Variants in ATAD2B observed in about 807,000 individuals in gnomAD.
ATAD2B encodes ATPase family AAA domain containing 2B.
In ATAD2B, 40 loss-of-function variants were observed where a neutral mutation model predicts 167.6. That is an observed-to-expected ratio of 0.24 (90% confidence interval 0.19 to 0.31). The LOEUF (loss-of-function observed/expected upper bound fraction) is 0.31, where lower values mean the gene tolerates loss of function less well. ATAD2B is among the 10% of genes least tolerant of loss of function. The probability of loss-of-function intolerance (pLI) is 1.00; values close to 1 mark genes in which losing one functional copy is unlikely to be tolerated. For missense variants in ATAD2B, 1,242 were observed against 1,757.2 expected (o/e 0.71, Z 5.24); for synonymous variants, 579 against 596.5 (o/e 0.97, Z 0.43).
chr2:23,691,474 T>G, the ATAD2B span: 3 of 599,708 alleles, frequency 5.0e-6, no homozygotes, highest in Non-Finnish European at 8.9e-6. Flanking sequence ...CAGGGTTTTC[T>G]GTTCTTTTGG....
chr2:23,735,297 A>C, the ATAD2B span, among the ~76,000 whole-genome samples: 1 of 151,742 alleles, frequency 6.6e-6, no homozygotes, highest in Non-Finnish European at 1.5e-5. Context: ...CTTTAAACTC[A>C]ATACTTACTT....
rs1681687166 is a variant in ATAD2B, at chr2:23,791,389, A to G, written c.2641-2742T>C. Among the ~76,000 whole-genome samples the G allele has an allele frequency of 3.3e-5, 5 of 152,164 alleles. No individual in the cohort carries two copies. In the South Asian group the frequency reaches 1.0e-3, roughly 31 times the overall value. ...TTTACAATCCCACCAGCAGTATATA[A>G]GGACTCCAGTTTCTATATCCTTGCC... On this transcript the variant is annotated intron_variant, in intron 19 of 27. Coordinates refer to ENST00000238789, the MANE Select transcript of ATAD2B (RefSeq NM_017552.4).
Position 23,888,340 on chromosome 2 carries a change from G to T in ATAD2B, c.418+10C>A, listed in dbSNP as rs77374907. 3.8e-6 allele frequency: 6 copies of T among 1,565,322 alleles called. No individual in the cohort carries two copies. In the South Asian group the frequency reaches 7.1e-5, roughly 18 times the overall value. ...TTTAAAACTAACCAGTTTTATAATA[G>T]AATACTCACATAAGCCACTATGTCC... On this transcript the variant is annotated intron_variant, in intron 3 of 27. Coordinates refer to ENST00000238789, the MANE Select transcript of ATAD2B (RefSeq NM_017552.4).
At chr2:23,858,489 C>CTTTTTTTTTTTTTT in intron 12 of ATAD2B, among the ~76,000 whole-genome samples, 1 of 134,412 alleles carries the variant, frequency 7.4e-6, no homozygotes, top group Non-Finnish European at 1.6e-5. Context: ...CTGTCTCATT[C>CTTTTTTTTTTTTTT]TTTTTTTTTT....
chr2:23,739,572 G>C, the ATAD2B span, among the ~76,000 whole-genome samples: 1 of 151,910 alleles, frequency 6.6e-6, no homozygotes, highest in African/African-American at 2.4e-5. Flanking sequence ...GAAATTTATA[G>C]CACTAAATGC....
intron 14 of ATAD2B, chr2:23,832,258 G>A (rs201912871): frequency 1.9e-4 from 89 of 467,452 alleles, no homozygotes; most frequent in African/African-American, 3.0e-4. Flanking sequence ...ATCTAGTCTC[G>A]GGACCTTAAA....
downstream of ATAD2B, among the ~76,000 whole-genome samples, chr2:23,744,604 C>CT (rs565014898): frequency 6.6e-6 from 1 of 152,170 alleles, no homozygotes; most frequent in Non-Finnish European, 1.5e-5. Context: ...GGTGCTATCA[C>CT]TGTGGCCCAT....
chr2:23,826,190 G>C (rs764642822), intron 15 of ATAD2B, among the ~76,000 whole-genome samples: 2 of 152,082 alleles, frequency 1.3e-5, no homozygotes, highest in Non-Finnish European at 2.9e-5. Flanking sequence ...GAAAGCTTTA[G>C]AAGTGACTCT....
At chr2:23,869,988 T>A (rs1333592335) in intron 8 of ATAD2B, among the ~76,000 whole-genome samples, 2 of 151,932 alleles carry the variant, frequency 1.3e-5, no homozygotes, top group African/African-American at 4.8e-5. Flanking sequence ...GGTGGGTGGA[T>A]CATGAGGTCA....
chr2:23,699,381 G>A, the ATAD2B span, among the ~76,000 whole-genome samples: 15 of 152,326 alleles, frequency 9.8e-5, no homozygotes, highest in Admixed American at 4.6e-4. Context: ...CATGGTGGGC[G>A]GTAGATGTGT....
chr2:23,878,026 A>AAG (rs1697255376), intron 7 of ATAD2B, among the ~76,000 whole-genome samples: 2 of 129,328 alleles, frequency 1.5e-5, no homozygotes, highest in East Asian at 3.5e-4. Flanking sequence ...AAAAAAAAAA[A>AAG]AAAAAAAAAA....
intron 14 of ATAD2B, chr2:23,832,476 TTAAC>T (rs142766781): frequency 0.02 from 3,416 of 171,912 alleles, 133 homozygotes; most frequent in African/African-American, 0.077. Context: ...AAATTTTAAA[TTAAC>T]TAAGACTAAA....
the ATAD2B span, among the ~76,000 whole-genome samples, chr2:23,723,482 A>C: frequency 2.0e-5 from 2 of 100,978 alleles, no homozygotes; most frequent in East Asian, 3.4e-4. Flanking sequence ...GAAGGAGGGA[A>C]GGAAGGGAGG....
At chr2:23,760,043 C>T (rs1280240766) in intron 24 of ATAD2B, among the ~76,000 whole-genome samples, 1 of 152,172 alleles carries the variant, frequency 6.6e-6, no homozygotes, top group African/African-American at 2.4e-5. Flanking sequence ...TGAAGCTGAA[C>T]TCTGCTCAAT....
chr2:23,695,577 C>T, the ATAD2B span: 1 of 1,346,506 alleles, frequency 7.4e-7, no homozygotes, highest in Non-Finnish European at 1.0e-6. The surrounding 1 kb of genome is among the most constrained non-coding windows in gnomAD (Gnocchi z 7.6). Context: ...CGGGAGGTGG[C>T]TCTCTCTTGC....
chr2:23,694,635 C>T, the ATAD2B span, among the ~76,000 whole-genome samples: 3 of 152,240 alleles, frequency 2.0e-5, no homozygotes, highest in African/African-American at 7.2e-5. Flanking sequence ...TAAACGCCTC[C>T]TCAACAAAAT....
chr2:23,769,711 GGTTT>G (rs1678008264), intron 22 of ATAD2B, among the ~76,000 whole-genome samples: 3 of 129,836 alleles, frequency 2.3e-5, no homozygotes, highest in Non-Finnish European at 3.3e-5. Flanking sequence ...TCTCACTGTG[GGTTT>G]TTTTTTTTTT....
At chr2:23,682,074 C>T in the ATAD2B span, among the ~76,000 whole-genome samples, 1 of 152,128 alleles carries the variant, frequency 6.6e-6, no homozygotes. The surrounding 1 kb of genome is among the most constrained non-coding windows in gnomAD (Gnocchi z 4.1). Context: ...TGTCCCACCA[C>T]CATCCCCTCC....
At chr2:23,819,962 G>A in intron 16 of ATAD2B, 80 bp from the exon 17 acceptor site, 140 of 1,011,950 alleles carry the variant, frequency 1.4e-4, no homozygotes, top group Middle Eastern at 6.7e-4. Context: ...AGAAAAATTG[G>A]GTTAAAAAAT....
Sources: allele counts gnomAD v4.1 joint callset (sites outside exome capture counted in the v4.1 genomes callset), GRCh38; gene constraint gnomAD v4.1.1; non-coding constraint Gnocchi (gnomAD v3.1); transcripts MANE v1.5; gene names NCBI Gene and HGNC (gene_info 2026-07-23, HGNC 2026-07-21).